GAS2: variants seen among roughly 807,000 people sequenced by gnomAD.
The protein encoded by GAS2 is growth arrest specific 2, also known as growth arrest-specific protein 2.
Under a neutral mutation model 37.5 loss-of-function variants are expected in GAS2, and 20 were observed. The observed-to-expected ratio is 0.53, with a 90% confidence interval of 0.37 to 0.77. The LOEUF (loss-of-function observed/expected upper bound fraction) is 0.77. GAS2 is among the 30% of genes least tolerant of loss of function. GAS2 has a pLI of 0.00. For synonymous variants in GAS2, 144 were observed against 132.2 expected (o/e 1.09, Z -0.61); for missense variants, 336 against 373.4 (o/e 0.90, Z 0.82).
chr11:22,715,200 C>G lies in GAS2; in HGVS notation c.268-11092C>G, dbSNP rs894229803. 3.4e-4 allele frequency among the ~76,000 whole-genome samples: 52 copies of G among 152,022 alleles called. 1 individual carries two copies. Among genetic ancestry groups the G allele is most frequent in the African/African-American group, 1.0e-3 (43 of 41,410 alleles). On this transcript the variant is annotated intron_variant, in intron 3 of 7. Transcript: ENST00000454584. ...CAGGTGCCACAGGTGTGGTGGCTTACACCTGTAATCCAGCACTTTGGGAGG... is the reference window on the plus strand; with the variant it reads ...CAGGTGCCACAGGTGTGGTGGCTTAGACCTGTAATCCAGCACTTTGGGAGG...
chr11:22,783,875 A>G (rs1855694658), intron 7 of GAS2, among the ~76,000 whole-genome samples: 2 of 152,124 alleles, frequency 1.3e-5, no homozygotes, highest in African/African-American at 4.8e-5. Flanking sequence ...TTAGCCAGCC[A>G]TCCAAGCAGC....
At chr11:22,687,248 G>T (rs1565086925) in intron 3 of GAS2, among the ~76,000 whole-genome samples, 1 of 151,972 alleles carries the variant, frequency 6.6e-6, no homozygotes, top group Non-Finnish European at 1.5e-5. Context: ...GTTCAATTGA[G>T]CCCAGGAGGT....
At chr11:22,651,761 C>G (rs1007879132) in intron 1 of GAS2, among the ~76,000 whole-genome samples, 3 of 152,208 alleles carry the variant, frequency 2.0e-5, no homozygotes, top group Non-Finnish European at 4.4e-5. Context: ...CCTTGGTTTT[C>G]AGCTCCATCA....
chr11:22,636,366 T>C (rs1474193104), intron 1 of GAS2, among the ~76,000 whole-genome samples: 1 of 152,156 alleles, frequency 6.6e-6, no homozygotes, highest in African/African-American at 2.4e-5. Flanking sequence ...TCACGGGCCC[T>C]GGTAAGGATT....
chr11:22,721,418 G>C (rs1443180558), intron 3 of GAS2, among the ~76,000 whole-genome samples: 1 of 151,972 alleles, frequency 6.6e-6, no homozygotes, highest in East Asian at 1.9e-4. Flanking sequence ...TTTTGAAAAT[G>C]ACTTTCATGT....
rs118022412 is a variant in GAS2 at position 22,654,626 on chromosome 11, G to T, written c.-20-20224G>T. On this transcript the variant is annotated intron_variant, in intron 1 of 5. Coordinates refer to the GAS2 transcript ENST00000528582. ...GCCCGGGCTGATCTTGAACTCCCAGGCTAAAGTAATCCTCCCACTTTGGCC... is the reference window on the plus strand; with the variant it reads ...GCCCGGGCTGATCTTGAACTCCCAGTCTAAAGTAATCCTCCCACTTTGGCC... 3.7e-3 allele frequency among the ~76,000 whole-genome samples: 567 copies of T among 152,046 alleles called. 15 individuals carry two copies. The East Asian group carries it at 0.076, about 20-fold the overall frequency.
intron 6 of GAS2, 131 bp downstream of exon 6, chr11:22,749,392 T>C (rs1383518840): frequency 1.3e-6 from 1 of 779,774 alleles, no homozygotes; most frequent in African/African-American, 1.8e-5. Flanking sequence ...TAAGCCCATA[T>C]GAAAAACTTT....
At chr11:22,706,218 G>A (rs173063) in intron 3 of GAS2, among the ~76,000 whole-genome samples, 28,879 of 151,988 alleles carry the variant, frequency 0.19, 2,950 homozygotes, top group East Asian at 0.37. Context: ...GAAAGGAGAA[G>A]TGAAGGTGGA....
intron 3 of GAS2, among the ~76,000 whole-genome samples, chr11:22,713,064 CAAAA>C (rs61240215): frequency 3.6e-5 from 4 of 112,032 alleles, no homozygotes; most frequent in Non-Finnish European, 5.6e-5. Flanking sequence ...GAGACTGTGT[CAAAA>C]AAAAAAAAAA....
chr11:22,677,612 G>A (rs1849488983), intron 2 of GAS2, among the ~76,000 whole-genome samples: 1 of 152,128 alleles, frequency 6.6e-6, no homozygotes, highest in African/African-American at 2.4e-5. Flanking sequence ...CATTTACAAG[G>A]CAGCTTGATC....
At chr11:22,707,642 T>G (rs1351240723) in intron 3 of GAS2, among the ~76,000 whole-genome samples, 4 of 152,132 alleles carry the variant, frequency 2.6e-5, no homozygotes, top group African/African-American at 9.7e-5. Context: ...CAAAAAAATG[T>G]ACAGAGAAAT....
chr11:22,709,158 C>T (rs1012090438), intron 3 of GAS2, among the ~76,000 whole-genome samples: 7 of 151,798 alleles, frequency 4.6e-5, no homozygotes, highest in African/African-American at 1.4e-4. Flanking sequence ...ATTTGAAAAC[C>T]CTAATTTGAT....
intron 1 of GAS2, among the ~76,000 whole-genome samples, chr11:22,657,758 G>A (rs1298358277): frequency 6.6e-6 from 1 of 152,160 alleles, no homozygotes; most frequent in Non-Finnish European, 1.5e-5. Context: ...CAGGTCTTTT[G>A]TTGTCAAAAG....
chr11:22,796,985 T>G (rs1856456872), intron 7 of GAS2, among the ~76,000 whole-genome samples: 1 of 152,120 alleles, frequency 6.6e-6, no homozygotes, highest in Non-Finnish European at 1.5e-5. Context: ...AAATCCTTCC[T>G]CTGACACCAA....
intron 1 of GAS2, among the ~76,000 whole-genome samples, chr11:22,656,035 G>A (rs184533710): frequency 3.3e-5 from 5 of 152,244 alleles, no homozygotes; most frequent in African/African-American, 1.2e-4. Flanking sequence ...TTTATAGGTG[G>A]TGTCATGTTG....
intron 7 of GAS2, among the ~76,000 whole-genome samples, chr11:22,769,793 G>A (rs1480020667): frequency 6.6e-6 from 1 of 152,174 alleles, no homozygotes; most frequent in Non-Finnish European, 1.5e-5. Flanking sequence ...CTAATTGTGA[G>A]CTTAAGATGC....
At chr11:22,750,966 C>T (rs535254925) in intron 6 of GAS2, among the ~76,000 whole-genome samples, 13 of 151,822 alleles carry the variant, frequency 8.6e-5, no homozygotes, top group South Asian at 2.1e-4. Context: ...TTTTTTAGTC[C>T]GGAAATTATG....
chr11:22,780,221 T>C (rs1481444730), intron 7 of GAS2, among the ~76,000 whole-genome samples: 1 of 152,162 alleles, frequency 6.6e-6, no homozygotes, highest in Non-Finnish European at 1.5e-5. Context: ...CTATGAGGGC[T>C]GGACGTGGCT....
chr11:22,630,317 G>A (rs775663637), intron 1 of GAS2, among the ~76,000 whole-genome samples: 2 of 152,028 alleles, frequency 1.3e-5, no homozygotes, highest in African/African-American at 4.8e-5. Flanking sequence ...TTGTTCTTGC[G>A]CTAGTTTGCT....
Sources: allele counts gnomAD v4.1 joint callset (sites outside exome capture counted in the v4.1 genomes callset), GRCh38; gene constraint gnomAD v4.1.1; transcripts MANE v1.5; gene names NCBI Gene and HGNC (gene_info 2026-07-23, HGNC 2026-07-21).